SUMF1: variants seen among roughly 807,000 people sequenced by gnomAD.
SUMF1 encodes formylglycine-generating enzyme.
A neutral mutation model predicts 47.6 loss-of-function variants in SUMF1; 48 were observed. That is an observed-to-expected ratio of 1.01 (90% CI 0.80 to 1.28). The LOEUF (loss-of-function observed/expected upper bound fraction) is 1.28. SUMF1 is among the 50% of genes most tolerant of loss of function. The pLI, the probability that SUMF1 is intolerant of heterozygous loss-of-function variation, is 0.00. For synonymous variants in SUMF1, 230 were observed against 192.1 expected (o/e 1.20, Z -1.63); for missense variants, 571 against 485.4 (o/e 1.18, Z -1.66).
chr3:4,424,268 C>T (rs1701997700), intron 3 of SUMF1, among the ~76,000 whole-genome samples: 2 of 152,156 alleles, frequency 1.3e-5, no homozygotes, highest in Non-Finnish European at 2.9e-5. Context: ...TACTCACTCA[C>T]ACTTTCTCTC....
intron 8 of SUMF1, among the ~76,000 whole-genome samples, chr3:4,309,082 C>T (rs1312021836): frequency 6.6e-6 from 1 of 152,146 alleles, no homozygotes; most frequent in Non-Finnish European, 1.5e-5. Flanking sequence ...TAACAGTTTG[C>T]TTGAAGGAAT....
At chr3:4,130,340 C>A (rs1203756752) in intron 8 of SUMF1, among the ~76,000 whole-genome samples, 1 of 152,176 alleles carries the variant, frequency 6.6e-6, no homozygotes, top group African/African-American at 2.4e-5. Flanking sequence ...ATAAGGCCCA[C>A]CAGAAGCAAT....
intron 8 of SUMF1, among the ~76,000 whole-genome samples, chr3:4,323,111 A>G (rs1423727256): frequency 6.6e-6 from 1 of 152,210 alleles, no homozygotes; most frequent in East Asian, 1.9e-4. Context: ...AGTAGGCACA[A>G]CCCAAATATC....
At chr3:4,362,289 G>T (rs1447721396) in intron 8 of SUMF1, 35 bp from the exon 9 acceptor site, 2 of 1,575,490 alleles carry the variant, frequency 1.3e-6, no homozygotes, top group Non-Finnish European at 8.7e-7. Context: ...AAGTGCTACT[G>T]GGACTCTCAG....
chr3:4,307,087 C>T (rs1051717637), intron 8 of SUMF1, among the ~76,000 whole-genome samples: 12 of 152,166 alleles, frequency 7.9e-5, no homozygotes, highest in African/African-American at 2.9e-4. Context: ...AGGCCAAGTA[C>T]AAAGATTCTT....
At chr3:4,152,461 T>G (rs1212374632) in intron 8 of SUMF1, among the ~76,000 whole-genome samples, 1 of 150,896 alleles carries the variant, frequency 6.6e-6, no homozygotes, top group Non-Finnish European at 1.5e-5. Context: ...ATTTGCTTTT[T>G]TTTTTTCTTT....
At chr3:4,377,337 A>G (rs1393962727) in intron 7 of SUMF1, among the ~76,000 whole-genome samples, 1 of 152,116 alleles carries the variant, frequency 6.6e-6, no homozygotes, top group African/African-American at 2.4e-5. Context: ...TCTTGAAGAA[A>G]AAAAAAAAGA....
Position 4,466,988 on chromosome 3 carries a change from G to C in SUMF1, c.258C>G (p.Leu86=), listed in dbSNP as rs776950607. Residue 86 remains leucine, a synonymous_variant, in exon 1 of 9, where the codon CTC becomes CTG. Transcript: ENST00000272902. ...APGPVPGERQ[L]AHSKMVPIPA... is the part of the protein sequence containing the mutation. ...ATCGATGGAGCACCTTTGAGTGCGC[G>C]AGTTGCCGCTCTCCGGGTACGGGGC... The C allele has an allele frequency of 1.2e-6, 2 of 1,602,856 alleles. No individual in the cohort carries two copies. Among genetic ancestry groups the C allele is most frequent in the Non-Finnish European group, 1.7e-6 (2 of 1,176,368 alleles).
rs372747004 is a variant in SUMF1, at chr3:4,212,324, CCT to C, written c.1015-143581_1015-143580del. Among the ~76,000 whole-genome samples the C allele has an allele frequency of 7.0e-4, 106 of 152,220 alleles. 2 individuals are homozygous for C. Among genetic ancestry groups the C allele is most frequent in the African/African-American group, 2.4e-3 (98 of 41,554 alleles). Reference sequence around the variant, plus strand: ...TGGACCTCCAGCAAACTCCAGCAGACCTGCGGCAGAGGGGCCTGATTGTTAGA... The same window carrying C: ...TGGACCTCCAGCAAACTCCAGCAGACGCGGCAGAGGGGCCTGATTGTTAGA... On this transcript the variant is annotated intron_variant and NMD_transcript_variant, in intron 8 of 12. Transcript: ENST00000448413.
intron 8 of SUMF1, among the ~76,000 whole-genome samples, chr3:4,092,703 AGT>A (rs965356008): frequency 3.3e-5 from 5 of 152,110 alleles, no homozygotes; most frequent in African/African-American, 1.2e-4. Flanking sequence ...CCAGAACTGT[AGT>A]GTGTGTGTAT....
intron 8 of SUMF1, among the ~76,000 whole-genome samples, chr3:4,153,154 C>T (rs914300089): frequency 6.6e-6 from 1 of 151,464 alleles, no homozygotes; most frequent in Non-Finnish European, 1.5e-5. Context: ...TAAATACATA[C>T]AATAAAATTT....
At chr3:4,162,626 A>G (rs1052262970) in intron 8 of SUMF1, among the ~76,000 whole-genome samples, 9 of 152,104 alleles carry the variant, frequency 5.9e-5, no homozygotes, top group African/African-American at 2.2e-4. Flanking sequence ...CAGTCACTGC[A>G]TTGTCCTCCC....
At chr3:4,239,585 G>A (rs1696491434) in intron 8 of SUMF1, among the ~76,000 whole-genome samples, 1 of 152,122 alleles carries the variant, frequency 6.6e-6, no homozygotes, top group Non-Finnish European at 1.5e-5. Flanking sequence ...TGTTATTGGT[G>A]TATAGGAATG....
In SUMF1 at chr3:4,294,764, T is replaced by TA. The variant is rs931896379; in HGVS notation, c.1014+81565dup. Among the ~76,000 whole-genome samples the TA allele has an allele frequency of 4.6e-3, 692 of 151,334 alleles. 6 individuals carry two copies. The highest frequency in any genetic ancestry group is 0.016 in the African/African-American group (649 of 41,254). On this transcript the variant is annotated intron_variant and NMD_transcript_variant, in intron 8 of 12. Coordinates refer to the SUMF1 transcript ENST00000448413. ...TTCACTCCCGAGAATACTGGAGTTC[T>TA]AAAAAAAAACATGACATGGAAACAG...
intron 7 of SUMF1, among the ~76,000 whole-genome samples, chr3:4,391,797 G>A (rs79031488): frequency 0.022 from 3,277 of 150,982 alleles, 101 homozygotes; most frequent in African/African-American, 0.076. Context: ...CTGCTCATTG[G>A]TTTGGATAAT....
chr3:4,158,810 T>C (rs1169691032), intron 8 of SUMF1, among the ~76,000 whole-genome samples: 1 of 151,594 alleles, frequency 6.6e-6, no homozygotes, highest in Non-Finnish European at 1.5e-5. Flanking sequence ...TTCTGCTCTT[T>C]TTTGGTTTCC....
At chr3:4,216,476 C>T (rs895311438) in intron 8 of SUMF1, among the ~76,000 whole-genome samples, 1 of 152,130 alleles carries the variant, frequency 6.6e-6, no homozygotes, top group Non-Finnish European at 1.5e-5. Context: ...AGGACATAGG[C>T]ATGGGCAAAG....
At chr3:4,270,528 C>T (rs550716344) in intron 8 of SUMF1, among the ~76,000 whole-genome samples, 1 of 152,066 alleles carries the variant, frequency 6.6e-6, no homozygotes, top group African/African-American at 2.4e-5. Flanking sequence ...ATAATTACAA[C>T]TCCTAATTCT....
chr3:4,085,958 G>A (rs1186090442), intron 8 of SUMF1, among the ~76,000 whole-genome samples: 1 of 151,856 alleles, frequency 6.6e-6, no homozygotes, highest in Non-Finnish European at 1.5e-5. Flanking sequence ...AGCATGAAAA[G>A]TGTATAAAAC....
Sources: allele counts gnomAD v4.1 joint callset (sites outside exome capture counted in the v4.1 genomes callset), GRCh38; gene constraint gnomAD v4.1.1; transcripts MANE v1.5; gene names NCBI Gene and HGNC (gene_info 2026-07-23, HGNC 2026-07-21).